Variants in PDLIM3 observed in about 807,000 individuals in gnomAD.
PDLIM3 encodes PDZ and LIM domain 3.
PDLIM3 carries 36 observed loss-of-function variants against 37.3 expected under a neutral mutation model. The ratio of observed to expected loss-of-function variants is 0.97; its 90% CI spans 0.74 to 1.28. The LOEUF is 1.28. Among genes scored for constraint, PDLIM3 ranks in the 50% most tolerant of loss-of-function variants. PDLIM3 has a pLI of 0.00. For missense variants in PDLIM3, 454 were observed against 485.0 expected (o/e 0.94, Z 0.60); for synonymous variants, 174 against 182.4 (o/e 0.95, Z 0.37).
At chr4:185,506,035 G>C (rs2095696352) in intron 6 of PDLIM3, among the ~76,000 whole-genome samples, 1 of 152,182 alleles carries the variant, frequency 6.6e-6, no homozygotes, top group Non-Finnish European at 1.5e-5. Context: ...CCATCTCTCA[G>C]CGTCTCATTT....
chr4:185,513,298 T>A, intron 4 of PDLIM3: 2 of 985,292 alleles, frequency 2.0e-6, no homozygotes, highest in Non-Finnish European at 2.4e-6. Context: ...GACAATCACC[T>A]GGCTCTGCCT....
At chr4:185,530,965 GAA>G (rs869301897) in intron 1 of PDLIM3, among the ~76,000 whole-genome samples, 1 of 91,304 alleles carries the variant, frequency 1.1e-5, no homozygotes, top group South Asian at 4.5e-4. Flanking sequence ...TGCATGCATA[GAA>G]ACACACACAC....
At position 185,504,016 on chromosome 4, in the gene PDLIM3, A is replaced by G. The variant is rs1413766771; in HGVS notation, c.905+459T>C. On this transcript the variant is annotated intron_variant, in intron 7 of 7. Coordinates refer to ENST00000284767, the MANE Select transcript of PDLIM3 (RefSeq NM_014476.6). The surrounding 1 kb of genome is among the most constrained non-coding windows in gnomAD (Gnocchi z 4.7). The stretch of plus-strand genomic sequence containing the variant: ...CAATATTTTGTTTCAACATTTGTGT[A>G]ACTTACACTGGGTAAGGATAATGTA... 4.6e-5 allele frequency among the ~76,000 whole-genome samples: 7 copies of G among 151,254 alleles called. No individual in the cohort carries two copies. The highest frequency in any genetic ancestry group is 1.2e-4 in the African/African-American group (5 of 41,154).
At position 185,504,493 on chromosome 4, in the gene PDLIM3, T is replaced by A. The variant is rs763164171; in HGVS notation, c.887A>T (p.Lys296Ile). ...GGAQRMPLCD[K>I]CGSGIVGAVV... ...AACTTACACTATGCCACTCCCACAT[T>A]TGTCACAGAGCGGCATCCTCTGTGC... Residue 296 changes from lysine (K) to isoleucine (I), a missense_variant, in exon 7 of 8, where the codon AAA (lysine) becomes ATA (isoleucine). By Grantham distance (102) the Lys-to-Ile change is moderately radical (BLOSUM62 -3). Transcript: ENST00000284767. This position sits in a 1 kb window ranked among gnomAD's most constrained non-coding sequence, Gnocchi z 4.7. 1.2e-6 allele frequency: 2 copies of A among 1,613,590 alleles called. No individual in the cohort carries two copies. The highest frequency in any genetic ancestry group is 1.7e-6 in the Non-Finnish European group (2 of 1,179,614).
Position 185,504,406 on chromosome 4 carries a change from T to A in PDLIM3, c.905+69A>T. On this transcript the variant is annotated intron_variant, in intron 7 of 7. Coordinates refer to ENST00000284767, the MANE Select transcript of PDLIM3 (RefSeq NM_014476.6). This position sits in a 1 kb window ranked among gnomAD's most constrained non-coding sequence, Gnocchi z 4.7. ...TCACAGTTGCCTTTAGTCTATAAAGTCTTAAAGGAGAAGAAATGAACTGTC... is the reference window on the plus strand; with the variant it reads ...TCACAGTTGCCTTTAGTCTATAAAGACTTAAAGGAGAAGAAATGAACTGTC... The A allele has an allele frequency of 6.1e-6, 8 of 1,305,418 alleles. No homozygotes were observed. The highest frequency in any genetic ancestry group is 8.8e-6 in the Non-Finnish European group (8 of 912,426). The allele number at this position is 1,305,418 out of a possible 1,614,324, so 80.9% of individuals were successfully genotyped here.
chr4:185,535,275 C>T, intron 1 of PDLIM3, 67 bp downstream of exon 1: 1 of 1,387,380 alleles, frequency 7.2e-7, no homozygotes, highest in Non-Finnish European at 1.0e-6. Context: ...CCGGGGCATC[C>T]ACTGCGTCCC....
At chr4:185,532,292 T>C (rs532567404) in intron 1 of PDLIM3, among the ~76,000 whole-genome samples, 2 of 152,362 alleles carry the variant, frequency 1.3e-5, no homozygotes, top group African/African-American at 4.8e-5. Flanking sequence ...GGCACTGTGC[T>C]AGGCCCTGAA....
In PDLIM3 at chr4:185,508,439, A is replaced by T. The variant is rs1160837471; in HGVS notation, c.522T>A (p.Ile174=). The change falls in exon 5 of 8, where the codon ATT becomes ATA. Residue 174 remains isoleucine (I), a synonymous_variant. Coordinates refer to ENST00000284767, the MANE Select transcript of PDLIM3 (RefSeq NM_014476.6). ...LKVAAKLAPN[I]PLEMELPGVK... is the part of the protein sequence containing the mutation. Reference sequence around the variant, plus strand: ...CACCAGGAAGTTCCATTTCCAAAGGAATGTTAGGGGCCAGCTTAGCCGCAA... The same window carrying T: ...CACCAGGAAGTTCCATTTCCAAAGGTATGTTAGGGGCCAGCTTAGCCGCAA... The T allele has an allele frequency of 6.2e-7, 1 of 1,614,202 alleles. No homozygotes were observed. Among genetic ancestry groups the T allele is most frequent in the Non-Finnish European group, 8.5e-7 (1 of 1,180,034 alleles).
chr4:185,506,777 T>C, intron 5 of PDLIM3, 125 bp from the exon 6 acceptor site: 1 of 807,548 alleles, frequency 1.2e-6, no homozygotes, highest in Admixed American at 2.2e-5. Flanking sequence ...AGGTCTAGTA[T>C]TTTCAAGTGA....
In PDLIM3 at chr4:185,500,904, G is replaced by T; in HGVS notation, c.*1390C>A. The T allele has an allele frequency of 6.5e-6, 1 of 152,684 alleles. No homozygotes were observed. The highest frequency in any genetic ancestry group is 1.5e-5 in the Non-Finnish European group (1 of 68,328). 9.5% of individuals were successfully genotyped at this position (152,684 alleles called of 1,614,324 possible). ...ACTTGTTTCAGGCCAGAAGTTAGCA[G>T]CTGTGGGGGTTGAGGGGTGGTAGAG... On this transcript the variant is annotated 3_prime_UTR_variant, in exon 8 of 8. Coordinates refer to ENST00000284767, the MANE Select transcript of PDLIM3 (RefSeq NM_014476.6).
intron 4 of PDLIM3, among the ~76,000 whole-genome samples, chr4:185,510,571 A>T (rs1182963124): frequency 6.6e-6 from 1 of 152,004 alleles, no homozygotes; most frequent in Non-Finnish European, 1.5e-5. Flanking sequence ...CTTTTTCTTA[A>T]TTTTTTTGAT....
Position 185,514,304 on chromosome 4 carries a change from G to A in PDLIM3, c.364C>T (p.Arg122Trp), listed in dbSNP as rs755359056. Reference protein sequence around the residue: ...GNYFEHKHNIRPKPFVIPGRS... With the variant: ...GNYFEHKHNIWPKPFVIPGRS... ...CCCGGGATCACGAAAGGTTTGGGCCGAATATTATGCTTGTGTTCAAAGTAG... is the reference window on the plus strand; with the variant it reads ...CCCGGGATCACGAAAGGTTTGGGCCAAATATTATGCTTGTGTTCAAAGTAG... The change falls in exon 4 of 8, where the codon CGG becomes TGG. Residue 122 changes from arginine to tryptophan, a missense_variant. Arg to Trp is a moderately radical substitution (Grantham distance 101, BLOSUM62 -3). Transcript: ENST00000284767. The surrounding 1 kb of genome is among the most constrained non-coding windows in gnomAD (Gnocchi z 4.0). 19 of 1,614,186 alleles carry A rather than the reference G, an allele frequency of 1.2e-5. No individual in the cohort carries two copies. The highest frequency in any genetic ancestry group is 6.7e-5 in the Admixed American group (4 of 60,016).
intron 7 of PDLIM3, among the ~76,000 whole-genome samples, chr4:185,503,043 C>G (rs150457799): frequency 6.6e-6 from 1 of 151,984 alleles, no homozygotes; most frequent in African/African-American, 2.4e-5. Flanking sequence ...CTGGCTAACA[C>G]GGTGAAACCC....
At chr4:185,523,127 AT>A (rs2095725509) in intron 3 of PDLIM3, 1 of 468,942 alleles carries the variant, frequency 2.1e-6, no homozygotes, top group Non-Finnish European at 3.8e-6. Flanking sequence ...ATTTAGCCAA[AT>A]TCTTTCTGAT....
At chr4:185,531,926 TA>T (rs33963949) in intron 1 of PDLIM3, among the ~76,000 whole-genome samples, 1,157 of 105,866 alleles carry the variant, frequency 0.011, 14 homozygotes, top group Middle Eastern at 0.056. Context: ...CTATCTCTAC[TA>T]AAAAAAAAAA....
At position 185,508,570 on chromosome 4, in the gene PDLIM3, A is replaced by C. The variant is rs1301395755; in HGVS notation, c.399-8T>G. Reference sequence around the variant, plus strand: ...GAGGGAGTGCTGCATCCACTGTGTTAATGGATACACGTTACACAGAGATGG... The same window carrying C: ...GAGGGAGTGCTGCATCCACTGTGTTCATGGATACACGTTACACAGAGATGG... On this transcript the variant is annotated splice_region_variant and splice_polypyrimidine_tract_variant and intron_variant, in intron 4 of 7. Coordinates refer to ENST00000284767, the MANE Select transcript of PDLIM3 (RefSeq NM_014476.6). 7.4e-6 allele frequency: 12 copies of C among 1,613,764 alleles called. No homozygotes were observed. Among genetic ancestry groups the C allele is most frequent in the Non-Finnish European group, 9.3e-6 (11 of 1,179,840 alleles).
intron 5 of PDLIM3, among the ~76,000 whole-genome samples, chr4:185,507,762 T>C (rs1282888713): frequency 6.6e-6 from 1 of 152,102 alleles, no homozygotes; most frequent in Non-Finnish European, 1.5e-5. Flanking sequence ...AGCCTGAGGG[T>C]ATTCACCTAA....
At position 185,514,864 on chromosome 4, in the gene PDLIM3, G is replaced by A; in HGVS notation, c.331-527C>T. 6.4e-7 allele frequency: 1 copy of A among 1,551,570 alleles called. No individual in the cohort carries two copies. The highest frequency in any genetic ancestry group is 8.7e-7 in the Non-Finnish European group (1 of 1,146,968). On this transcript the variant is annotated intron_variant, in intron 3 of 7. Coordinates refer to ENST00000284767, the MANE Select transcript of PDLIM3 (RefSeq NM_014476.6). This position sits in a 1 kb window ranked among gnomAD's most constrained non-coding sequence, Gnocchi z 4.0. ...CAACAAAAGGCTGGGCCCTTCTGTTGTGCGCGGTACCAATGGGTTTGAATT... is the reference window on the plus strand; with the variant it reads ...CAACAAAAGGCTGGGCCCTTCTGTTATGCGCGGTACCAATGGGTTTGAATT...
At position 185,514,555 on chromosome 4, in the gene PDLIM3, T is replaced by C; in HGVS notation, c.331-218A>G. On this transcript the variant is annotated intron_variant, in intron 3 of 7. Transcript: ENST00000284767. This position sits in a 1 kb window ranked among gnomAD's most constrained non-coding sequence, Gnocchi z 4.0. ...ATTGGACCCCACAACAATTAGAACA[T>C]GTTTTAGATGCTTGTCTTTAAAAGA... 2 of 1,215,750 alleles carry C rather than the reference T, an allele frequency of 1.6e-6. No homozygotes were observed. The highest frequency in any genetic ancestry group is 3.0e-5 in the South Asian group (2 of 65,838). 75.3% of individuals were successfully genotyped at this position (1,215,750 alleles called of 1,614,324 possible). A position where few individuals can be genotyped will look rare whatever the true frequency, so the allele number is the denominator to read the frequency against.
Sources: allele counts gnomAD v4.1 joint callset (sites outside exome capture counted in the v4.1 genomes callset), GRCh38; gene constraint gnomAD v4.1.1; non-coding constraint Gnocchi (gnomAD v3.1); transcripts MANE v1.5; gene names NCBI Gene and HGNC (gene_info 2026-07-23, HGNC 2026-07-21).